Variants in SAXO1 observed in about 807,000 individuals in gnomAD.
SAXO1 encodes stabilizer of axonemal microtubules 1, also known as 4930500O09Rik.
In SAXO1, 21 loss-of-function variants were observed where a neutral mutation model predicts 17.5. The observed-to-expected ratio is 1.20, with a 90% CI of 0.85 to 1.72. The LOEUF is 1.72. Among genes scored for constraint, SAXO1 ranks in the 40% most tolerant of loss-of-function variants. SAXO1 has a pLI of 0.00. For missense variants in SAXO1, 843 were observed against 596.0 expected (o/e 1.41, Z -4.32); for synonymous variants, 274 against 216.5 (o/e 1.27, Z -2.33).
chr9:19,021,227 G>C (rs1326776091), intron 1 of SAXO1, among the ~76,000 whole-genome samples: 1 of 152,198 alleles, frequency 6.6e-6, no homozygotes, highest in African/African-American at 2.4e-5. Flanking sequence ...AAACTCTTTA[G>C]TTCTCTGAAA....
chr9:18,955,260 G>C (rs1288014943), intron 1 of SAXO1, among the ~76,000 whole-genome samples: 2 of 142,834 alleles, frequency 1.4e-5, no homozygotes, highest in African/African-American at 2.7e-5. Flanking sequence ...ATTTATTAAT[G>C]TTTCATGTGA....
chr9:18,939,904 T>C (rs563334060), intron 3 of SAXO1, among the ~76,000 whole-genome samples: 35 of 152,368 alleles, frequency 2.3e-4, no homozygotes, highest in African/African-American at 8.4e-4. Context: ...TATAGAAGAC[T>C]GCTCTGCTCC....
At chr9:18,937,298 G>T (rs1023000578) in intron 3 of SAXO1, among the ~76,000 whole-genome samples, 2 of 152,152 alleles carry the variant, frequency 1.3e-5, no homozygotes, top group Admixed American at 1.3e-4. Flanking sequence ...GCCTGGGTGG[G>T]GATTTGTGTA....
intron 1 of SAXO1, among the ~76,000 whole-genome samples, chr9:19,004,060 A>G (rs1834393718): frequency 1.3e-5 from 2 of 152,226 alleles, no homozygotes; most frequent in Admixed American, 1.3e-4. Flanking sequence ...AACCCCATCA[A>G]AAAGCAGGCA....
chr9:19,020,286 G>T (rs1451334267), intron 1 of SAXO1, among the ~76,000 whole-genome samples: 2 of 151,938 alleles, frequency 1.3e-5, no homozygotes, highest in Non-Finnish European at 2.9e-5. Flanking sequence ...AAAACTTCAT[G>T]CTTACTCTTG....
intron 1 of SAXO1, among the ~76,000 whole-genome samples, chr9:19,039,315 A>C (rs905408321): frequency 2.6e-5 from 4 of 152,220 alleles, no homozygotes; most frequent in African/African-American, 9.6e-5. Flanking sequence ...GTGGAACAAA[A>C]TAACGGTATT....
chr9:19,028,482 T>A (rs910570187), intron 1 of SAXO1, among the ~76,000 whole-genome samples: 3 of 152,232 alleles, frequency 2.0e-5, no homozygotes, highest in African/African-American at 7.2e-5. Context: ...TATACAAAAT[T>A]AGAGTTACTC....
chr9:19,031,284 GGCCTTAGTGGCTCAT>G (rs1412691364), intron 1 of SAXO1, among the ~76,000 whole-genome samples: 1 of 152,230 alleles, frequency 6.6e-6, no homozygotes, highest in Non-Finnish European at 1.5e-5. Flanking sequence ...GTAGAAAGAA[GGCCTTAGTGGCTCAT>G]GCCTGTAATC....
At chr9:18,969,131 C>A (rs56992415) in intron 1 of SAXO1, among the ~76,000 whole-genome samples, 9 of 151,836 alleles carry the variant, frequency 5.9e-5, no homozygotes, top group East Asian at 5.8e-4. Context: ...GAAACAAGCG[C>A]GTATCTGCTT....
chr9:18,956,318 T>C (rs1476181724), intron 1 of SAXO1, among the ~76,000 whole-genome samples: 1 of 152,054 alleles, frequency 6.6e-6, no homozygotes, highest in Admixed American at 6.6e-5. Context: ...CCATGACCAT[T>C]TCCCCTGCAA....
chr9:19,022,752 G>A (rs887449030), intron 1 of SAXO1, among the ~76,000 whole-genome samples: 4 of 152,132 alleles, frequency 2.6e-5, no homozygotes, highest in Non-Finnish European at 5.9e-5. Flanking sequence ...TAAAATATAA[G>A]GATATATTTT....
chr9:18,962,622 T>C (rs539648359), intron 1 of SAXO1, among the ~76,000 whole-genome samples: 1 of 152,156 alleles, frequency 6.6e-6, no homozygotes, highest in South Asian at 2.1e-4. Flanking sequence ...TGCAGAAGCG[T>C]CTGTTCATAT....
At chr9:18,947,566 A>C (rs888292493) in intron 2 of SAXO1, 2 of 152,174 alleles carry the variant, frequency 1.3e-5, no homozygotes, top group African/African-American at 4.8e-5. Flanking sequence ...GATGCTGCTC[A>C]TTTTGCCCAT....
At chr9:19,005,033 A>G (rs1332834638) in intron 1 of SAXO1, among the ~76,000 whole-genome samples, 1 of 152,180 alleles carries the variant, frequency 6.6e-6, no homozygotes, top group East Asian at 1.9e-4. Flanking sequence ...TTCATTTACA[A>G]TAATGTCAAA....
intron 3 of SAXO1, among the ~76,000 whole-genome samples, chr9:18,931,239 T>C (rs4977471): frequency 0.62 from 93,717 of 152,096 alleles, 29,858 homozygotes; most frequent in Middle Eastern, 0.81. Flanking sequence ...TGCGCATTTT[T>C]TGGACATTTC....
At chr9:18,933,303 T>C (rs1217600951) in intron 3 of SAXO1, among the ~76,000 whole-genome samples, 1 of 152,210 alleles carries the variant, frequency 6.6e-6, no homozygotes, top group Non-Finnish European at 1.5e-5. Context: ...TTTATTAATG[T>C]GGCATATTAA....
intron 1 of SAXO1, among the ~76,000 whole-genome samples, chr9:18,955,544 A>G (rs1832224103): frequency 6.6e-6 from 1 of 152,220 alleles, no homozygotes; most frequent in South Asian, 2.1e-4. Context: ...AGATAAAAAC[A>G]CTAAAAAATA....
chr9:18,988,050 T>C (rs1833666412), intron 1 of SAXO1, among the ~76,000 whole-genome samples: 1 of 152,212 alleles, frequency 6.6e-6, no homozygotes, highest in South Asian at 2.1e-4. Flanking sequence ...AACACTACTC[T>C]AAGATCCCTG....
intron 1 of SAXO1, among the ~76,000 whole-genome samples, chr9:19,038,319 G>C (rs1019152590): frequency 2.6e-5 from 4 of 152,030 alleles, no homozygotes; most frequent in Admixed American, 2.6e-4. Context: ...TATGTTTATT[G>C]CAGCACTATT....
Sources: gnomAD v4.1 joint callset for allele counts (sites outside exome capture counted in the v4.1 genomes callset) on GRCh38, gnomAD v4.1.1 for gene constraint, MANE v1.5 for transcripts, NCBI Gene and HGNC (gene_info 2026-07-23, HGNC 2026-07-21) for gene names.